WBP1L: variants seen among roughly 807,000 people sequenced by gnomAD.
WBP1L encodes WW domain binding protein 1-like.
Under a neutral mutation model 33.7 loss-of-function variants are expected in WBP1L, and 17 were observed. That is an observed-to-expected ratio of 0.50 (90% CI 0.34 to 0.76). The LOEUF is 0.76. WBP1L is among the 30% of genes least tolerant of loss of function. The pLI is 0.01. For synonymous variants in WBP1L, 173 were observed against 190.8 expected, an observed-to-expected ratio of 0.91 and a Z score of 0.77; for missense variants, 389 against 469.4, an observed-to-expected ratio of 0.83 and a Z score of 1.58.
At chr10:102,776,192 C>A (rs1590176848) in intron 1 of WBP1L, 1 of 1,461,964 alleles carries the variant, frequency 6.8e-7, no homozygotes, top group Non-Finnish European at 9.1e-7. Context: ...CAGAGCCAGG[C>A]AGGGGGAGTA....
chr10:102,755,431 G>T (rs1196866710), intron 1 of WBP1L, among the ~76,000 whole-genome samples: 1 of 151,574 alleles, frequency 6.6e-6, no homozygotes, highest in Non-Finnish European at 1.5e-5. Flanking sequence ...TTGCTCCATT[G>T]CCCAGGCTGG....
intron 1 of WBP1L, among the ~76,000 whole-genome samples, chr10:102,746,434 G>A (rs1240699207): frequency 1.3e-5 from 2 of 151,930 alleles, no homozygotes; most frequent in East Asian, 1.9e-4. Context: ...CACTCCTGAC[G>A]CTCCCTATAC....
chr10:102,773,120 G>C (rs1843214611), intron 1 of WBP1L, among the ~76,000 whole-genome samples: 1 of 152,046 alleles, frequency 6.6e-6, no homozygotes, highest in Non-Finnish European at 1.5e-5. Flanking sequence ...CTTTTCAAAT[G>C]GCAAAGCTGA....
At chr10:102,782,213 G>GC (rs1843347111) in intron 1 of WBP1L, among the ~76,000 whole-genome samples, 2 of 29,658 alleles carry the variant, frequency 6.7e-5, no homozygotes, top group Admixed American at 9.6e-4. Flanking sequence ...GAAAGAAGCT[G>GC]CTTTTTTTTT....
intron 1 of WBP1L, among the ~76,000 whole-genome samples, chr10:102,785,370 G>A (rs1590181943): frequency 6.6e-6 from 1 of 151,012 alleles, no homozygotes; most frequent in Non-Finnish European, 1.5e-5. Context: ...TGTATTTTTA[G>A]TAGGGATGGG....
At chr10:102,798,162 ACT>A in intron 2 of WBP1L, 67 bp downstream of exon 2, 1 of 1,392,254 alleles carries the variant, frequency 7.2e-7, no homozygotes, top group Non-Finnish European at 1.0e-6. Flanking sequence ...TTAGTGGGAA[ACT>A]CTGGGCATTA....
chr10:102,771,391 T>G (rs61870777), intron 1 of WBP1L, among the ~76,000 whole-genome samples: 2,541 of 152,234 alleles, frequency 0.017, 40 homozygotes, highest in Middle Eastern at 0.041. Flanking sequence ...ACTCCCTATT[T>G]AAAATAAAAT....
chr10:102,798,170 C>T, intron 2 of WBP1L, 75 bp downstream of exon 2: 2 of 1,304,722 alleles, frequency 1.5e-6, no homozygotes, highest in South Asian at 2.4e-5. Flanking sequence ...AAACTCTGGG[C>T]ATTAGCCCTT....
At chr10:102,786,536 A>G (rs931538220) in intron 1 of WBP1L, among the ~76,000 whole-genome samples, 2 of 152,220 alleles carry the variant, frequency 1.3e-5, no homozygotes, top group Non-Finnish European at 2.9e-5. Flanking sequence ...TCTGGGGCCC[A>G]TGGACCACAC....
At chr10:102,759,805 A>G (rs1249840538) in intron 1 of WBP1L, among the ~76,000 whole-genome samples, 5 of 152,214 alleles carry the variant, frequency 3.3e-5, no homozygotes, top group East Asian at 3.8e-4. Flanking sequence ...AGCTGCAACT[A>G]CAGGCACATG....
At chr10:102,808,227 A>T (rs1843766083) in intron 2 of WBP1L, among the ~76,000 whole-genome samples, 1 of 152,240 alleles carries the variant, frequency 6.6e-6, no homozygotes, top group Admixed American at 6.5e-5. Flanking sequence ...TTTGAAAGAA[A>T]ATAATCAAAA....
At chr10:102,753,545 G>A (rs1377469730) in intron 1 of WBP1L, among the ~76,000 whole-genome samples, 1 of 152,134 alleles carries the variant, frequency 6.6e-6, no homozygotes, top group Non-Finnish European at 1.5e-5. Flanking sequence ...CAGATCACCC[G>A]TCTTGCATGG....
At chr10:102,801,545 G>A (rs934683255) in intron 2 of WBP1L, among the ~76,000 whole-genome samples, 46 of 152,146 alleles carry the variant, frequency 3.0e-4, no homozygotes, top group African/African-American at 1.1e-3. Context: ...AGCGGGGAGG[G>A]GATAGGATGT....
rs992810118 is a variant in WBP1L at position 102,815,035 on chromosome 10, G to T, written c.*1704G>T. ...GGTGAGCCGTGTGTGTCTGTCTGTT[G>T]TGTGTGTGCCTCAAGCCCTGTTTTC... On this transcript the variant is annotated 3_prime_UTR_variant, in exon 4 of 4. Coordinates refer to ENST00000448841, the MANE Select transcript of WBP1L (RefSeq NM_001083913.2). 6.6e-6 allele frequency: 1 copy of T among 152,540 alleles called. No individual in the cohort carries two copies. Among genetic ancestry groups the T allele is most frequent in the African/African-American group, 2.4e-5 (1 of 41,400 alleles). 9.4% of individuals were successfully genotyped at this position (152,540 alleles called of 1,614,324 possible).
At chr10:102,755,916 G>A (rs1468507472) in intron 1 of WBP1L, among the ~76,000 whole-genome samples, 2 of 151,402 alleles carry the variant, frequency 1.3e-5, no homozygotes, top group Non-Finnish European at 2.9e-5. Context: ...GTGGTGGTGG[G>A]TGCCTGTAGT....
chr10:102,792,220 G>A (rs1843509865), intron 1 of WBP1L, among the ~76,000 whole-genome samples: 1 of 152,204 alleles, frequency 6.6e-6, no homozygotes, highest in Non-Finnish European at 1.5e-5. Flanking sequence ...CACCGGGGCT[G>A]AAGGCACATA....
chr10:102,808,088 A>G (rs796756610), intron 2 of WBP1L, among the ~76,000 whole-genome samples: 27 of 152,130 alleles, frequency 1.8e-4, no homozygotes, highest in African/African-American at 6.0e-4. Context: ...TGGAGGTGGG[A>G]GGACAGCTTG....
At chr10:102,771,962 AT>A (rs201457108) in intron 1 of WBP1L, among the ~76,000 whole-genome samples, 126 of 145,802 alleles carry the variant, frequency 8.6e-4, no homozygotes, top group East Asian at 6.2e-3. Context: ...AATCTGCAAC[AT>A]TTTTTTTTTT....
At chr10:102,756,823 CT>C (rs1842983275) in intron 1 of WBP1L, among the ~76,000 whole-genome samples, 1 of 151,876 alleles carries the variant, frequency 6.6e-6, no homozygotes, top group African/African-American at 2.4e-5. Flanking sequence ...AATCCCAGTA[CT>C]TTGGGAGACT....
Sources: gnomAD v4.1 joint callset for allele counts (sites outside exome capture counted in the v4.1 genomes callset) on GRCh38, gnomAD v4.1.1 for gene constraint, MANE v1.5 for transcripts, NCBI Gene and HGNC (gene_info 2026-07-23, HGNC 2026-07-21) for gene names.